Variants in CACNA1A observed in about 807,000 individuals in gnomAD.
The protein encoded by CACNA1A is calcium voltage-gated channel subunit alpha1 A.
A neutral mutation model predicts 262.4 loss-of-function variants in CACNA1A; 57 were observed. The observed-to-expected ratio is 0.22, with a 90% CI of 0.18 to 0.27. The LOEUF (loss-of-function observed/expected upper bound fraction) is 0.27. Ranked by LOEUF, CACNA1A falls within the 10% of genes least tolerant of loss-of-function variation. The pLI is 1.00. For synonymous variants in CACNA1A, 1,431 were observed against 1,419.3 expected, an observed-to-expected ratio of 1.01 and a Z score of -0.18; for missense variants, 2,526 against 3,562.8, an observed-to-expected ratio of 0.71 and a Z score of 7.41.
At chr19:13,464,694 G>GTGCAGCA (rs2061193048) in intron 1 of CACNA1A, among the ~76,000 whole-genome samples, 1 of 151,450 alleles carries the variant, frequency 6.6e-6, no homozygotes, top group African/African-American at 2.4e-5. Context: ...GATTACAGGC[G>GTGCAGCA]CCTGCCACCG....
rs1409118170 is a variant in CACNA1A, at chr19:13,236,286, C to T, written c.4951-556G>A. Among the ~76,000 whole-genome samples, 1 of 152,152 alleles carries T rather than the reference C, an allele frequency of 6.6e-6. No homozygotes were observed. The highest frequency in any genetic ancestry group is 1.5e-5 in the Non-Finnish European group (1 of 68,026). On this transcript the variant is annotated intron_variant, in intron 31 of 46. Coordinates refer to ENST00000360228, the MANE Select transcript of CACNA1A (RefSeq NM_001127222.2). The surrounding 1 kb of genome is among the most constrained non-coding windows in gnomAD (Gnocchi z 4.6). Reference sequence around the variant, plus strand: ...GTGCGGGTTCCGAGGGCATGTTACGCTCCGGGCCAGAAATGCATCTGTCAC... The same window carrying T: ...GTGCGGGTTCCGAGGGCATGTTACGTTCCGGGCCAGAAATGCATCTGTCAC...
intron 3 of CACNA1A, among the ~76,000 whole-genome samples, chr19:13,418,056 C>CA (rs2060255056): frequency 6.6e-6 from 1 of 152,044 alleles, no homozygotes. Context: ...ATTTGTGTTG[C>CA]AAATGATGTC....
chr19:13,374,875 T>C (rs2059379411), intron 3 of CACNA1A, among the ~76,000 whole-genome samples: 1 of 152,036 alleles, frequency 6.6e-6, no homozygotes, highest in Non-Finnish European at 1.5e-5. Context: ...CTCCCTGTGT[T>C]GCCCAGGCTG....
intron 1 of CACNA1A, among the ~76,000 whole-genome samples, chr19:13,498,089 G>A (rs906872282): frequency 1.3e-5 from 2 of 151,852 alleles, no homozygotes; most frequent in Non-Finnish European, 2.9e-5. Context: ...CTGCAGTGAT[G>A]GTCAGCATAG....
At position 13,212,477 on chromosome 19, in the gene CACNA1A, G is replaced by T. The variant is rs2054850952; in HGVS notation, c.6096C>A (p.Thr2032=). The T allele has an allele frequency of 6.3e-7, 1 of 1,597,726 alleles. No individual in the cohort carries two copies. Among genetic ancestry groups the T allele is most frequent in the Non-Finnish European group, 8.5e-7 (1 of 1,172,522 alleles). The part of the protein sequence containing the change: ...SGLKESPSWV[T]QRAQEMFQKT... Reference sequence around the variant, plus strand: ...TCTGGAACATCTCCTGGGCACGCTGGGTCACCCAGGACGGGCTCTCCTTGA... The same window carrying T: ...TCTGGAACATCTCCTGGGCACGCTGTGTCACCCAGGACGGGCTCTCCTTGA... The change falls in exon 42 of 47, where the codon ACC becomes ACA. Residue 2032 remains threonine, a synonymous_variant. Transcript: ENST00000360228. The surrounding 1 kb of genome is among the most constrained non-coding windows in gnomAD (Gnocchi z 5.6).
At position 13,303,796 on chromosome 19, in the gene CACNA1A, T is replaced by G; in HGVS notation, c.2075A>C (p.Tyr692Ser). Residue 692 changes from tyrosine to serine, a missense_variant, in exon 16 of 47, where the codon TAT (tyrosine) becomes TCT (serine). Tyr to Ser is a moderately radical substitution (Grantham distance 144). Coordinates refer to ENST00000360228, the MANE Select transcript of CACNA1A (RefSeq NM_001127222.2). ...GVQGGMVFSI[Y>S]FIVLTLFGNY... ...CCCAAAGAGCGTCAGTACAATGAAATAGATGGAGAACACCATGCCGCCCTG... is the reference window on the plus strand; with the variant it reads ...CCCAAAGAGCGTCAGTACAATGAAAGAGATGGAGAACACCATGCCGCCCTG... 1 of 1,612,836 alleles carries G rather than the reference T, an allele frequency of 6.2e-7. No homozygotes were observed.
Position 13,334,855 on chromosome 19 carries a change from T to C in CACNA1A, c.1083-362A>G, listed in dbSNP as rs534071405. Among the ~76,000 whole-genome samples, 10 of 151,884 alleles carry C rather than the reference T, an allele frequency of 6.6e-5. 1 individual carries two copies. The South Asian group carries it at 2.1e-3, about 32-fold the overall frequency. On this transcript the variant is annotated intron_variant, in intron 7 of 46. Coordinates refer to ENST00000360228, the MANE Select transcript of CACNA1A (RefSeq NM_001127222.2). The stretch of plus-strand genomic sequence containing the variant: ...TTTGAGACCAGCCTGGACAACACAG[T>C]GGGCCCCATCTCTATGAAAAATAAA...
At chr19:13,300,466 C>T in intron 18 of CACNA1A, 84 bp downstream of exon 18, 1 of 925,264 alleles carries the variant, frequency 1.1e-6, no homozygotes. Context: ...TCAAGGACCA[C>T]CCCCACTGCT....
At chr19:13,288,974 T>C (rs1276488692) in intron 19 of CACNA1A, among the ~76,000 whole-genome samples, 1 of 152,146 alleles carries the variant, frequency 6.6e-6, no homozygotes, top group Non-Finnish European at 1.5e-5. Context: ...GATGCTTCTA[T>C]GAATACTTCC....
At chr19:13,437,691 CA>C (rs35266881) in intron 3 of CACNA1A, among the ~76,000 whole-genome samples, 8,090 of 64,946 alleles carry the variant, frequency 0.12, 189 homozygotes, top group East Asian at 0.32. Context: ...AACCCCATCT[CA>C]AAAAAAAAAA....
At chr19:13,439,037 C>A (rs1280788316) in intron 3 of CACNA1A, among the ~76,000 whole-genome samples, 1 of 151,912 alleles carries the variant, frequency 6.6e-6, no homozygotes, top group Non-Finnish European at 1.5e-5. Flanking sequence ...CCATGCCCAG[C>A]TTTCTCTTTC....
At chr19:13,293,738 G>A (rs1466957210) in intron 19 of CACNA1A, among the ~76,000 whole-genome samples, 1 of 151,236 alleles carries the variant, frequency 6.6e-6, no homozygotes, top group African/African-American at 2.4e-5. Flanking sequence ...TTACAGGCAT[G>A]AGCCACCGCG....
At chr19:13,291,576 A>T (rs2057538922) in intron 19 of CACNA1A, among the ~76,000 whole-genome samples, 1 of 148,836 alleles carries the variant, frequency 6.7e-6, no homozygotes, top group Non-Finnish European at 1.5e-5. Flanking sequence ...AGGAAGGAAG[A>T]TCGCTTGAGC....
chr19:13,207,254 C>G lies in CACNA1A; in HGVS notation c.*59G>C. ...CCCCCGCGGCCTCTGCGCGGCTCCTCGGGTGGGGTGTGTGCGTGGGGTGCG... is the reference window on the plus strand; with the variant it reads ...CCCCCGCGGCCTCTGCGCGGCTCCTGGGGTGGGGTGTGTGCGTGGGGTGCG... On this transcript the variant is annotated 3_prime_UTR_variant, in exon 47 of 47. Transcript: ENST00000360228. The surrounding 1 kb of genome is among the most constrained non-coding windows in gnomAD (Gnocchi z 5.7). The G allele has an allele frequency of 6.9e-7, 1 of 1,459,714 alleles. No individual in the cohort carries two copies. The highest frequency in any genetic ancestry group is 9.0e-7 in the Non-Finnish European group (1 of 1,110,260). 90.4% of individuals were successfully genotyped at this position (1,459,714 alleles called of 1,614,324 possible). A position where few individuals can be genotyped will look rare whatever the true frequency, so the allele number is the denominator to read the frequency against.
chr19:13,439,377 T>C (rs1242648721), intron 3 of CACNA1A, among the ~76,000 whole-genome samples: 2 of 147,992 alleles, frequency 1.4e-5, no homozygotes, highest in Non-Finnish European at 3.0e-5. Context: ...TGTCTCAGGA[T>C]CAGTCTGGGT....
chr19:13,221,978 C>T (rs1243171169), intron 38 of CACNA1A, among the ~76,000 whole-genome samples: 1 of 152,134 alleles, frequency 6.6e-6, no homozygotes, highest in Non-Finnish European at 1.5e-5. Context: ...GTGATCTCGG[C>T]TCACTGCAAT....
chr19:13,360,963 A>G (rs1276901511), intron 5 of CACNA1A, among the ~76,000 whole-genome samples: 1 of 152,186 alleles, frequency 6.6e-6, no homozygotes, highest in Non-Finnish European at 1.5e-5. Context: ...TGTTGAGACA[A>G]ACTTTATGGT....
intron 36 of CACNA1A, chr19:13,228,715 T>A: frequency 6.3e-7 from 1 of 1,596,184 alleles, no homozygotes; most frequent in Non-Finnish European, 8.5e-7. Context: ...AGCAACCCTA[T>A]GAGGACATTT....
intron 33 of CACNA1A, 58 bp from the exon 34 acceptor site, chr19:13,235,094 A>G: frequency 6.5e-7 from 1 of 1,532,992 alleles, no homozygotes; most frequent in Middle Eastern, 1.7e-4. Context: ...CTTCTGGGAA[A>G]CCCAGCTCAA....
Sources: gnomAD v4.1 joint callset for allele counts (sites outside exome capture counted in the v4.1 genomes callset) on GRCh38, gnomAD v4.1.1 for gene constraint, Gnocchi (gnomAD v3.1) non-coding constraint, MANE v1.5 for transcripts, NCBI Gene and HGNC (gene_info 2026-07-23, HGNC 2026-07-21) for gene names.